The following DGKB variants were observed in gnomAD, a reference collection of about 807,000 sequenced individuals.
DGKB encodes the protein diacylglycerol kinase beta, also known as 90 kDa diacylglycerol kinase.
DGKB carries 67 observed loss-of-function variants against 114.3 expected under a neutral mutation model. That is an observed-to-expected ratio of 0.59 (90% CI 0.48 to 0.72). The LOEUF (loss-of-function observed/expected upper bound fraction) is 0.72, where lower values mean the gene tolerates loss of function less well. Ranked by LOEUF, DGKB falls within the 30% of genes least tolerant of loss-of-function variation. The pLI, the probability that DGKB is intolerant of heterozygous loss-of-function variation, is 0.00. For synonymous variants in DGKB, 398 were observed against 323.1 expected (o/e 1.23, Z -2.49); for missense variants, 907 against 975.2 (o/e 0.93, Z 0.93).
At chr7:14,393,552 G>T (rs1821764134) in intron 21 of DGKB, among the ~76,000 whole-genome samples, 1 of 151,892 alleles carries the variant, frequency 6.6e-6, no homozygotes, top group Non-Finnish European at 1.5e-5. Flanking sequence ...CAAAGTATGA[G>T]AATTCATTAT....
At chr7:14,817,931 G>T (rs1844390959) in intron 2 of DGKB, among the ~76,000 whole-genome samples, 1 of 118,360 alleles carries the variant, frequency 8.4e-6, no homozygotes. Context: ...ATCAATTCTG[G>T]TGACAAAAAA....
intron 13 of DGKB, among the ~76,000 whole-genome samples, chr7:14,647,938 G>A (rs1813444057): frequency 6.6e-6 from 1 of 152,198 alleles, no homozygotes; most frequent in African/African-American, 2.4e-5. Flanking sequence ...TTTTCTGACG[G>A]GCTTAAAAAA....
In DGKB at chr7:14,936,218, T is replaced by C. The variant is rs377506302; in HGVS notation, c.-188+38478A>G. On this transcript the variant is annotated intron_variant, in intron 1 of 4. Transcript: ENST00000437998. The stretch of plus-strand genomic sequence containing the variant: ...TACAAACAAGAACGTAGAAAAGTGA[T>C]GAAGAACTTGTCTTTGTAAAAATAG... Among the ~76,000 whole-genome samples the C allele has an allele frequency of 9.8e-5, 15 of 152,308 alleles. No homozygotes were observed. In the East Asian group the frequency reaches 2.5e-3, roughly 25 times the overall value.
At chr7:14,703,384 G>A (rs1477501856) in intron 6 of DGKB, among the ~76,000 whole-genome samples, 3 of 152,136 alleles carry the variant, frequency 2.0e-5, no homozygotes, top group Non-Finnish European at 4.4e-5. Flanking sequence ...AAACACACAT[G>A]GGTAGGATAT....
chr7:14,644,938 C>T (rs548971131), intron 13 of DGKB, among the ~76,000 whole-genome samples: 1 of 152,238 alleles, frequency 6.6e-6, no homozygotes, highest in South Asian at 2.1e-4. Flanking sequence ...GGATGGGTCT[C>T]CAGTGAAACC....
chr7:14,811,545 C>T lies in DGKB; in HGVS notation c.70+29649G>A, dbSNP rs1037046661. 3.9e-5 allele frequency among the ~76,000 whole-genome samples: 6 copies of T among 152,026 alleles called. No individual in the cohort carries two copies. The East Asian group carries it at 7.7e-4, about 20-fold the overall frequency. ...ACGTGAAATTATTCAAGTTATTCAA[C>T]GTGAAATTCTTTTCATATGATTTGT... On this transcript the variant is annotated intron_variant, in intron 2 of 25. Coordinates refer to ENST00000402815, the MANE Select transcript of DGKB (RefSeq NM_001350709.2).
At chr7:14,864,099 T>G (rs12699668) in intron 1 of DGKB, among the ~76,000 whole-genome samples, 53,549 of 136,012 alleles carry the variant, frequency 0.39, 11,245 homozygotes, top group Non-Finnish European at 0.49. Flanking sequence ...AAAACTCTGT[T>G]TCAAAAAAAA....
intron 16 of DGKB, among the ~76,000 whole-genome samples, chr7:14,611,177 C>T (rs1367991390): frequency 1.3e-5 from 2 of 152,108 alleles, no homozygotes; most frequent in Non-Finnish European, 2.9e-5. Context: ...AGATAGTTAT[C>T]TCCTTCTCTG....
chr7:14,904,450 A>G (rs1213596838), upstream of DGKB, among the ~76,000 whole-genome samples: 2 of 152,176 alleles, frequency 1.3e-5, no homozygotes, highest in East Asian at 3.9e-4. Context: ...GGGAACACGG[A>G]AGAAAGAAAA....
At chr7:14,887,728 T>A (rs1780536555) in intron 1 of DGKB, among the ~76,000 whole-genome samples, 1 of 151,840 alleles carries the variant, frequency 6.6e-6, no homozygotes, top group Non-Finnish European at 1.5e-5. Context: ...CTGACTTATT[T>A]TCTTCATGAC....
At chr7:14,643,670 A>C (rs138653136) in intron 13 of DGKB, among the ~76,000 whole-genome samples, 1 of 152,174 alleles carries the variant, frequency 6.6e-6, no homozygotes, top group Non-Finnish European at 1.5e-5. Context: ...TAGCTGAAGC[A>C]TGTGCACACC....
chr7:14,829,448 C>G (rs1269794891), intron 2 of DGKB, among the ~76,000 whole-genome samples: 1 of 152,086 alleles, frequency 6.6e-6, no homozygotes, highest in Non-Finnish European at 1.5e-5. Flanking sequence ...TTTAGATACC[C>G]AAGCACTTGA....
At chr7:14,170,150 A>AAAG (rs1780706100) in intron 25 of DGKB, among the ~76,000 whole-genome samples, 1 of 29,878 alleles carries the variant, frequency 3.3e-5, no homozygotes, top group East Asian at 8.5e-4. Flanking sequence ...AAAAAAAAAG[A>AAAG]AAGAAAGAAA....
At chr7:14,636,684 A>C (rs1388517711) in intron 13 of DGKB, among the ~76,000 whole-genome samples, 1 of 151,886 alleles carries the variant, frequency 6.6e-6, no homozygotes, top group African/African-American at 2.4e-5. Flanking sequence ...CATCAGATAG[A>C]ATCTACCTGG....
chr7:14,398,701 G>A (rs1294090622), intron 21 of DGKB, among the ~76,000 whole-genome samples: 1 of 151,848 alleles, frequency 6.6e-6, no homozygotes. Flanking sequence ...TCATCAAGGG[G>A]ATGGAATCAG....
At chr7:14,967,887 TTGAG>T (rs1042468266) in intron 1 of DGKB, among the ~76,000 whole-genome samples, 2 of 151,916 alleles carry the variant, frequency 1.3e-5, no homozygotes, top group Admixed American at 6.6e-5. Flanking sequence ...ATTAGAGAGA[TTGAG>T]AGAGAGAGGG....
At chr7:14,574,188 G>A (rs1798786113) in intron 20 of DGKB, 24 bp downstream of exon 20, 2 of 1,602,674 alleles carry the variant, frequency 1.2e-6, no homozygotes. Flanking sequence ...AGGTACAAAG[G>A]TAAAATTTAG....
chr7:14,472,756 A>G (rs1781600802), intron 21 of DGKB, among the ~76,000 whole-genome samples: 2 of 152,118 alleles, frequency 1.3e-5, no homozygotes, highest in Admixed American at 6.5e-5. Context: ...TCTCAGGTGG[A>G]GATGAGGAAC....
At chr7:14,667,259 A>G (rs1451913207) in intron 13 of DGKB, among the ~76,000 whole-genome samples, 1 of 151,992 alleles carries the variant, frequency 6.6e-6, no homozygotes, top group Non-Finnish European at 1.5e-5. Context: ...GTTCTAAAAT[A>G]TGAGAAGACA....
Sources: allele counts gnomAD v4.1 joint callset (sites outside exome capture counted in the v4.1 genomes callset), GRCh38; gene constraint gnomAD v4.1.1; transcripts MANE v1.5; gene names NCBI Gene and HGNC (gene_info 2026-07-23, HGNC 2026-07-21).